The following NTM variants were observed in gnomAD, a reference collection of about 807,000 sequenced individuals.
The protein encoded by NTM is IgLON family member 2.
In NTM, 13 loss-of-function variants were observed where a neutral mutation model predicts 42.1. That is an observed-to-expected ratio of 0.31 (90% CI 0.20 to 0.49). The LOEUF is 0.49. NTM is among the 20% of genes least tolerant of loss of function. NTM has a pLI of 0.99. For synonymous variants in NTM, 187 were observed against 179.2 expected (o/e 1.04, Z -0.35); for missense variants, 373 against 452.8 (o/e 0.82, Z 1.60).
At chr11:131,695,021 G>C (rs755760266) in intron 1 of NTM, among the ~76,000 whole-genome samples, 3 of 152,180 alleles carry the variant, frequency 2.0e-5, no homozygotes, top group Admixed American at 2.0e-4. Context: ...AGTGTTGGAC[G>C]GGCTGGGAGG....
intron 1 of NTM, chr11:131,539,661 C>G (rs2052872623): frequency 6.6e-6 from 1 of 152,240 alleles, no homozygotes; most frequent in Non-Finnish European, 1.5e-5. Context: ...AGAGAGCTCT[C>G]CAGGCAAAGA....
At chr11:131,581,825 C>G (rs1283240658) in intron 1 of NTM, among the ~76,000 whole-genome samples, 1 of 152,238 alleles carries the variant, frequency 6.6e-6, no homozygotes, top group South Asian at 2.1e-4. Context: ...GCACTTGCAG[C>G]CTTTCCCTGA....
chr11:132,034,367 C>G (rs1458496129), intron 2 of NTM, among the ~76,000 whole-genome samples: 1 of 152,212 alleles, frequency 6.6e-6, no homozygotes, highest in East Asian at 1.9e-4. Context: ...CTTCACCCGT[C>G]TCAGGGGTGT....
intron 3 of NTM, among the ~76,000 whole-genome samples, chr11:132,210,455 T>C (rs1227988432): frequency 6.6e-6 from 1 of 152,196 alleles, no homozygotes; most frequent in African/African-American, 2.4e-5. Context: ...TGGATACAGA[T>C]ATAAGTAACA....
chr11:131,654,791 T>C (rs2066970100), intron 1 of NTM, among the ~76,000 whole-genome samples: 1 of 152,126 alleles, frequency 6.6e-6, no homozygotes, highest in Non-Finnish European at 1.5e-5. Flanking sequence ...TTGCCATGAG[T>C]GGAAGCTCCC....
At chr11:131,482,147 T>C (rs1953670716) in intron 1 of NTM, among the ~76,000 whole-genome samples, 1 of 152,188 alleles carries the variant, frequency 6.6e-6, no homozygotes, top group Non-Finnish European at 1.5e-5. Flanking sequence ...TCAAGCCCTT[T>C]TTCATGTCGT....
chr11:132,169,527 G>A (rs1248496471), intron 3 of NTM, among the ~76,000 whole-genome samples: 1 of 151,200 alleles, frequency 6.6e-6, no homozygotes, highest in African/African-American at 2.4e-5. Flanking sequence ...AGTAGAGATG[G>A]AGTTTCACTG....
intron 1 of NTM, among the ~76,000 whole-genome samples, chr11:131,650,765 A>G (rs1182890925): frequency 6.6e-6 from 1 of 152,186 alleles, no homozygotes; most frequent in African/African-American, 2.4e-5. Context: ...AAAAAATACC[A>G]AATTTAAAAA....
At chr11:132,019,543 T>C (rs1450659818) in intron 2 of NTM, among the ~76,000 whole-genome samples, 3 of 152,068 alleles carry the variant, frequency 2.0e-5, no homozygotes, top group Non-Finnish European at 4.4e-5. Flanking sequence ...ATATATGAAC[T>C]CTTTTATCAT....
At chr11:132,280,250 T>C (rs1565373427) in intron 4 of NTM, among the ~76,000 whole-genome samples, 1 of 152,172 alleles carries the variant, frequency 6.6e-6, no homozygotes, top group African/African-American at 2.4e-5. Context: ...TGAGGTTTGC[T>C]AGCAAAGTTC....
chr11:131,744,821 G>A (rs1020731369), intron 1 of NTM, among the ~76,000 whole-genome samples: 1 of 152,176 alleles, frequency 6.6e-6, no homozygotes, highest in African/African-American at 2.4e-5. Flanking sequence ...AATCCCAGTT[G>A]TTGTGTATTC....
intron 1 of NTM, among the ~76,000 whole-genome samples, chr11:131,399,033 C>A (rs12272290): frequency 6.6e-6 from 1 of 152,050 alleles, no homozygotes; most frequent in South Asian, 2.1e-4. Context: ...TTCATATGTA[C>A]TTGGAAGTGG....
intron 1 of NTM, among the ~76,000 whole-genome samples, chr11:131,501,335 C>A (rs771397132): frequency 6.6e-5 from 10 of 152,190 alleles, no homozygotes; most frequent in African/African-American, 9.6e-5. Context: ...CAATGAAGGC[C>A]CCTCTGAGGA....
chr11:132,084,538 C>T (rs1339574350), intron 2 of NTM, among the ~76,000 whole-genome samples: 1 of 152,054 alleles, frequency 6.6e-6, no homozygotes, highest in Non-Finnish European at 1.5e-5. Flanking sequence ...AGAAAGACAA[C>T]CTTGAAGCTG....
chr11:132,274,975 A>G (rs1340326156), intron 4 of NTM, among the ~76,000 whole-genome samples: 1 of 152,124 alleles, frequency 6.6e-6, no homozygotes, highest in Non-Finnish European at 1.5e-5. Context: ...AGTATCATAT[A>G]TTTGGGATAC....
intron 1 of NTM, among the ~76,000 whole-genome samples, chr11:131,617,546 G>A (rs2062066660): frequency 6.6e-6 from 1 of 152,100 alleles, no homozygotes; most frequent in South Asian, 2.1e-4. Flanking sequence ...CTCAGCATGA[G>A]GCAAGCGTGT....
rs769740331 is a variant in NTM at position 131,424,600 on chromosome 11, C to CTTTTT, written c.82+53726_82+53730dup. 3.6e-3 allele frequency among the ~76,000 whole-genome samples: 201 copies of CTTTTT among 55,954 alleles called. 18 individuals carry two copies. In the East Asian group the frequency reaches 0.056, roughly 15 times the overall value. The allele number at this position is 55,954 out of a possible 152,430, so 36.7% of individuals were successfully genotyped here. ...AGTTGTTTTTTATTTCTTTTCTTTT[C>CTTTTT]TTTTTTTTTTTTTTTTTTGGCGCAA... On this transcript the variant is annotated intron_variant, in intron 1 of 8. Coordinates refer to ENST00000683400, the MANE Select transcript of NTM (RefSeq NM_001352005.2).
At chr11:131,608,888 T>G (rs551325299) in intron 1 of NTM, among the ~76,000 whole-genome samples, 27 of 152,348 alleles carry the variant, frequency 1.8e-4, no homozygotes, top group African/African-American at 5.8e-4. Flanking sequence ...GATGGAGTCA[T>G]GATGAAATAT....
At chr11:131,646,057 A>T (rs541832770) in intron 1 of NTM, among the ~76,000 whole-genome samples, 1 of 152,356 alleles carries the variant, frequency 6.6e-6, no homozygotes, top group South Asian at 2.1e-4. Context: ...TAGCACAGAG[A>T]TATTGATAAG....
Sources: allele counts gnomAD v4.1 joint callset (sites outside exome capture counted in the v4.1 genomes callset), GRCh38; gene constraint gnomAD v4.1.1; transcripts MANE v1.5; gene names NCBI Gene and HGNC (gene_info 2026-07-23, HGNC 2026-07-21).